The following PIWIL4 variants were observed in gnomAD, a reference collection of about 807,000 sequenced individuals.
PIWIL4 encodes piwi like RNA-mediated gene silencing 4, also known as piwi-like protein 4.
A neutral mutation model predicts 100.9 loss-of-function variants in PIWIL4; 50 were observed. That is an observed-to-expected ratio of 0.50 (90% CI 0.39 to 0.63). The LOEUF (loss-of-function observed/expected upper bound fraction) is 0.63. PIWIL4 is among the 20% of genes least tolerant of loss of function. The pLI, the probability that PIWIL4 is intolerant of heterozygous loss-of-function variation, is 0.00. For missense variants in PIWIL4, 887 were observed against 1,043.3 expected, an observed-to-expected ratio of 0.85 and a Z score of 2.06; for synonymous variants, 342 against 367.5, an observed-to-expected ratio of 0.93 and a Z score of 0.79.
At chr11:94,592,665 G>A (rs1948502926) in intron 8 of PIWIL4, among the ~76,000 whole-genome samples, 1 of 152,110 alleles carries the variant, frequency 6.6e-6, no homozygotes, top group Non-Finnish European at 1.5e-5. Flanking sequence ...ACAATACCCA[G>A]GCATTTTGTA....
intron 3 of PIWIL4, among the ~76,000 whole-genome samples, chr11:94,576,622 T>C (rs896443453): frequency 1.3e-5 from 2 of 152,170 alleles, no homozygotes; most frequent in Non-Finnish European, 2.9e-5. Context: ...TAAAAATGTC[T>C]GTAAGGGGCT....
Position 94,617,976 on chromosome 11 carries a change from G to A in PIWIL4, c.2037G>A (p.Lys679=). The A allele has an allele frequency of 6.2e-7, 1 of 1,613,942 alleles. No homozygotes were observed. The highest frequency in any genetic ancestry group is 8.5e-7 in the Non-Finnish European group (1 of 1,179,918). The change falls in exon 17 of 20, where the codon AAG becomes AAA. Residue 679 remains lysine, a synonymous_variant. Transcript: ENST00000299001. ...FMTGALNKWY[K]YNHDLPARII... is the part of the protein sequence containing the mutation. ...CAGGAGCACTCAACAAATGGTACAA[G>A]TACAATCATGATTTGCCAGCACGGA...
At chr11:94,609,793 G>A (rs966826417) in intron 15 of PIWIL4, among the ~76,000 whole-genome samples, 2 of 152,024 alleles carry the variant, frequency 1.3e-5, no homozygotes, top group African/African-American at 4.8e-5. Context: ...ACAGTGTGAT[G>A]TTTTGATATA....
chr11:94,568,807 C>T lies in PIWIL4; in HGVS notation c.165C>T (p.Asn55=), dbSNP rs564802163. The T allele has an allele frequency of 2.7e-5, 43 of 1,593,988 alleles. No individual in the cohort carries two copies. Among genetic ancestry groups the T allele is most frequent in the Middle Eastern group, 1.7e-4 (1 of 6,038 alleles). ...GFLGTSRIST[N]DKYGISSGDA... ...TGGGAACAAGCAGGATCTCAACCAA[C>T]GGTAAGTGCAGCTCAGCCTGTTCAT... is the stretch of plus-strand genomic sequence containing the variant. The change falls in exon 2 of 20, where the codon AAC becomes AAT. Residue 55 remains asparagine (N), a splice_region_variant and synonymous_variant. Transcript: ENST00000299001.
intron 16 of PIWIL4, among the ~76,000 whole-genome samples, chr11:94,617,186 T>C (rs912139628): frequency 1.3e-5 from 2 of 151,572 alleles, no homozygotes; most frequent in Non-Finnish European, 2.9e-5. Flanking sequence ...AATTTGCTTA[T>C]ACATGTTGGT....
At chr11:94,598,185 G>A (rs1948582479) in intron 11 of PIWIL4, among the ~76,000 whole-genome samples, 2 of 152,166 alleles carry the variant, frequency 1.3e-5, no homozygotes, top group South Asian at 4.1e-4. Context: ...CTTCTGTTGG[G>A]TGGTGCATTG....
rs1199276081 is a variant in PIWIL4, at chr11:94,608,616, T to G, written c.1873T>G (p.Cys625Gly). 6.2e-7 allele frequency: 1 copy of G among 1,614,068 alleles called. No individual in the cohort carries two copies. The highest frequency in any genetic ancestry group is 1.3e-5 in the African/African-American group (1 of 74,930). The change falls in exon 15 of 20, where the codon TGT (cysteine) becomes GGT (glycine). Residue 625 changes from cysteine to glycine, a missense_variant. Transcript: ENST00000299001. ...CCTGATGGTGGTCGGTATTGATGTC[T>G]GTAAAGATGCACTCAGCAAGGACGT... The part of the protein sequence containing the change: ...KSLMVVGIDV[C>G]KDALSKDVMV...
At chr11:94,575,811 C>T (rs1454977026) in intron 3 of PIWIL4, among the ~76,000 whole-genome samples, 8 of 152,142 alleles carry the variant, frequency 5.3e-5, no homozygotes, top group African/African-American at 1.9e-4. Context: ...ACTAATGGGA[C>T]CCAGCTGCCG....
At chr11:94,576,437 A>G (rs550595202) in intron 3 of PIWIL4, among the ~76,000 whole-genome samples, 2 of 152,272 alleles carry the variant, frequency 1.3e-5, no homozygotes, top group Non-Finnish European at 2.9e-5. Flanking sequence ...CCCAGCCTCT[A>G]TATCATTCTT....
chr11:94,607,901 T>C (rs542240885), intron 14 of PIWIL4, among the ~76,000 whole-genome samples: 13 of 152,254 alleles, frequency 8.5e-5, no homozygotes, highest in African/African-American at 2.4e-4. Context: ...CTGTGTTCCA[T>C]TGCCTCCACA....
At chr11:94,618,145 A>C (rs1243408340) in intron 17 of PIWIL4, 38 bp downstream of exon 17, 2 of 1,513,956 alleles carry the variant, frequency 1.3e-6, no homozygotes, top group African/African-American at 2.8e-5. Flanking sequence ...ACTCCCAATT[A>C]TAGCATATTC....
chr11:94,615,624 T>A (rs1948837636), intron 15 of PIWIL4, among the ~76,000 whole-genome samples: 2 of 152,130 alleles, frequency 1.3e-5, no homozygotes, highest in Non-Finnish European at 2.9e-5. Context: ...TGTTGTTTTT[T>A]ACAAAAAAAC....
At chr11:94,597,955 T>G (rs757545188) in intron 11 of PIWIL4, 40 bp downstream of exon 11, 2 of 1,498,620 alleles carry the variant, frequency 1.3e-6, no homozygotes, top group East Asian at 2.3e-5. Flanking sequence ...AAGTATTTAC[T>G]TGAATATGTG....
chr11:94,605,229 C>G (rs1289972548), intron 13 of PIWIL4, among the ~76,000 whole-genome samples: 1 of 152,202 alleles, frequency 6.6e-6, no homozygotes, highest in East Asian at 1.9e-4. Flanking sequence ...GGAAAAGGCT[C>G]TACTGTCCTG....
rs749084615 is a variant in PIWIL4, at chr11:94,601,565, C to A, written c.1381-230C>A. On this transcript the variant is annotated intron_variant, in intron 11 of 19. Transcript: ENST00000299001. Reference sequence around the variant, plus strand: ...CAGAGAATCATGAGGTTAAAGGGACCTCCAAGGGCCACCAGTGCCTGGAAG... The same window carrying A: ...CAGAGAATCATGAGGTTAAAGGGACATCCAAGGGCCACCAGTGCCTGGAAG... 2.2e-4 allele frequency among the ~76,000 whole-genome samples: 33 copies of A among 152,182 alleles called. 1 individual carries two copies. The highest frequency in any genetic ancestry group is 4.7e-4 in the Non-Finnish European group (32 of 68,030).
chr11:94,581,134 A>C (rs1948310219), intron 4 of PIWIL4, among the ~76,000 whole-genome samples: 1 of 152,006 alleles, frequency 6.6e-6, no homozygotes. Context: ...TTCTGACCTC[A>C]GGTGATCCAC....
At chr11:94,577,130 T>C (rs1948248247) in intron 3 of PIWIL4, 148 bp from the exon 4 acceptor site, 1 of 646,496 alleles carries the variant, frequency 1.5e-6, no homozygotes, top group South Asian at 2.0e-5. Context: ...AGGCTGCAAG[T>C]TTTAGGATTT....
At chr11:94,607,790 G>A (rs972335723) in intron 14 of PIWIL4, 151 bp downstream of exon 14, 7 of 809,358 alleles carry the variant, frequency 8.6e-6, no homozygotes, top group African/African-American at 1.7e-5. Context: ...AAGCCATTGT[G>A]AATCTCCAAA....
chr11:94,612,447 G>A (rs1321928176), intron 15 of PIWIL4, among the ~76,000 whole-genome samples: 1 of 151,882 alleles, frequency 6.6e-6, no homozygotes, highest in Non-Finnish European at 1.5e-5. Flanking sequence ...TACAGCTGAA[G>A]TGAATCTCTT....
Sources: allele counts gnomAD v4.1 joint callset (sites outside exome capture counted in the v4.1 genomes callset), GRCh38; gene constraint gnomAD v4.1.1; transcripts MANE v1.5; gene names NCBI Gene and HGNC (gene_info 2026-07-23, HGNC 2026-07-21).